The following TEAD1 variants were observed in gnomAD, a reference collection of about 807,000 sequenced individuals.
The protein encoded by TEAD1 is TEA domain transcription factor 1.
Under a neutral mutation model 54.9 loss-of-function variants are expected in TEAD1, and 9 were observed. The ratio of observed to expected loss-of-function variants is 0.16; its 90% CI spans 0.10 to 0.29. The LOEUF is 0.29. Among genes scored for constraint, TEAD1 ranks in the 10% least tolerant of loss-of-function variants. The pLI, the probability that TEAD1 is intolerant of heterozygous loss-of-function variation, is 1.00. For missense variants in TEAD1, 387 were observed against 535.9 expected, an observed-to-expected ratio of 0.72 and a Z score of 2.74; for synonymous variants, 200 against 187.8, an observed-to-expected ratio of 1.07 and a Z score of -0.53.
chr11:12,824,589 A>G (rs1946613754), intron 3 of TEAD1, among the ~76,000 whole-genome samples: 1 of 152,224 alleles, frequency 6.6e-6, no homozygotes, highest in Admixed American at 6.5e-5. Context: ...TGTTAAGATA[A>G]GAGACTGTTG....
In TEAD1 at chr11:12,768,050, T is replaced by C. The variant is rs1177709842; in HGVS notation, c.202+3616T>C. Among the ~76,000 whole-genome samples the C allele has an allele frequency of 2.0e-5, 3 of 152,162 alleles. No homozygotes were observed. In the East Asian group the frequency reaches 5.8e-4, roughly 29 times the overall value. On this transcript the variant is annotated intron_variant, in intron 3 of 12. Coordinates refer to ENST00000527636, the MANE Select transcript of TEAD1 (RefSeq NM_021961.6). ...ACGGGAACACCTGAATTTGTTACTTTTGCAACTGAAAATCCCAGTCAGATA... is the reference window on the plus strand; with the variant it reads ...ACGGGAACACCTGAATTTGTTACTTCTGCAACTGAAAATCCCAGTCAGATA...
intron 8 of TEAD1, 138 bp downstream of exon 8, chr11:12,882,095 G>A (rs1439636977): frequency 3.4e-6 from 3 of 877,216 alleles, no homozygotes; most frequent in South Asian, 1.4e-5. Flanking sequence ...GGATCCTTGG[G>A]TAGCCTGTAG....
At chr11:12,878,234 C>T (rs1234982345) in intron 5 of TEAD1, among the ~76,000 whole-genome samples, 1 of 152,166 alleles carries the variant, frequency 6.6e-6, no homozygotes, top group Non-Finnish European at 1.5e-5. Flanking sequence ...CCTAGCACAT[C>T]TTTCTTAGAA....
intron 3 of TEAD1, among the ~76,000 whole-genome samples, chr11:12,854,178 A>G (rs905525408): frequency 6.6e-6 from 1 of 152,146 alleles, no homozygotes; most frequent in African/African-American, 2.4e-5. Flanking sequence ...CTCGTTGGAT[A>G]TGCTGTGGGA....
rs1943063844 is a variant in TEAD1, at chr11:12,675,468, A to T, written c.-148A>T. 6.6e-6 allele frequency: 1 copy of T among 152,428 alleles called. No individual in the cohort carries two copies. The allele number at this position is 152,428 out of a possible 1,614,324, so 9.4% of individuals were successfully genotyped here. ...CACATTCAAGTGGAAAATTTTCAGG[A>T]GTCAGCAGAAACATTGTGTCCAAAA... On this transcript the variant is annotated 5_prime_UTR_variant, in exon 2 of 13. Coordinates refer to ENST00000527636, the MANE Select transcript of TEAD1 (RefSeq NM_021961.6).
At chr11:12,774,239 T>C (rs965347278) in intron 3 of TEAD1, among the ~76,000 whole-genome samples, 12 of 152,118 alleles carry the variant, frequency 7.9e-5, no homozygotes, top group African/African-American at 2.9e-4. Flanking sequence ...TGGCCACAAA[T>C]ACGGTCAACT....
chr11:12,880,885 A>G (rs1564975006), intron 6 of TEAD1, 120 bp from the exon 7 acceptor site: 1 of 1,145,572 alleles, frequency 8.7e-7, no homozygotes, highest in Non-Finnish European at 1.3e-6. Context: ...ACTCTGGGAA[A>G]GCGATTCTGT....
intron 9 of TEAD1, among the ~76,000 whole-genome samples, chr11:12,900,532 C>T (rs1948407900): frequency 6.6e-6 from 1 of 152,134 alleles, no homozygotes; most frequent in Non-Finnish European, 1.5e-5. Context: ...GAAGTGAATG[C>T]CATCACTGTC....
intron 12 of TEAD1, among the ~76,000 whole-genome samples, chr11:12,936,822 C>T (rs993306059): frequency 2.0e-5 from 3 of 152,122 alleles, no homozygotes; most frequent in African/African-American, 7.2e-5. Context: ...AATCAGCCCC[C>T]TAAAAAACAA....
chr11:12,719,949 G>T (rs1201087249), intron 2 of TEAD1, among the ~76,000 whole-genome samples: 24 of 40,022 alleles, frequency 6.0e-4, no homozygotes, highest in Middle Eastern at 0.038. Context: ...GAAATCTAAT[G>T]TTTTTTTTTT....
intron 11 of TEAD1, among the ~76,000 whole-genome samples, chr11:12,929,656 T>C (rs1948977237): frequency 6.6e-6 from 1 of 152,190 alleles, no homozygotes; most frequent in Non-Finnish European, 1.5e-5. Context: ...TTCTGAGTTA[T>C]TGAAACTGCA....
At chr11:12,696,865 T>G (rs559229720) in intron 2 of TEAD1, among the ~76,000 whole-genome samples, 20 of 152,096 alleles carry the variant, frequency 1.3e-4, no homozygotes, top group African/African-American at 4.8e-4. Context: ...CTCTCCTGTG[T>G]ATTGGGTTTG....
intron 3 of TEAD1, among the ~76,000 whole-genome samples, chr11:12,794,524 C>A (rs1468413726): frequency 2.6e-5 from 4 of 152,174 alleles, no homozygotes; most frequent in Non-Finnish European, 5.9e-5. Context: ...ATGTGACAGC[C>A]TGTCTAGGTG....
chr11:12,730,422 T>G (rs1280970738), intron 2 of TEAD1, among the ~76,000 whole-genome samples: 1 of 143,028 alleles, frequency 7.0e-6, no homozygotes. Flanking sequence ...GAGTGTTTTT[T>G]TTTTTTTTTT....
At chr11:12,888,590 G>A (rs1348202610) in intron 9 of TEAD1, among the ~76,000 whole-genome samples, 1 of 152,124 alleles carries the variant, frequency 6.6e-6, no homozygotes, top group South Asian at 2.1e-4. Context: ...AGTCTGAAGT[G>A]GCCTTAGAAC....
chr11:12,900,573 C>G (rs1948408549), intron 9 of TEAD1, among the ~76,000 whole-genome samples: 2 of 152,104 alleles, frequency 1.3e-5, no homozygotes. Flanking sequence ...GGCACTTGCG[C>G]AGTATCATAG....
intron 9 of TEAD1, among the ~76,000 whole-genome samples, chr11:12,898,154 C>T (rs539327120): frequency 9.2e-5 from 14 of 152,272 alleles, no homozygotes; most frequent in African/African-American, 3.4e-4. Context: ...TTCCTTCAGG[C>T]ACAGGTGAGA....
intron 3 of TEAD1, among the ~76,000 whole-genome samples, chr11:12,814,903 G>C (rs929180236): frequency 6.6e-6 from 1 of 151,610 alleles, no homozygotes; most frequent in Admixed American, 6.6e-5. Context: ...CGGAGCGCAC[G>C]CACCCATCAG....
At chr11:12,693,956 C>T (rs763019287) in intron 2 of TEAD1, among the ~76,000 whole-genome samples, 13 of 152,274 alleles carry the variant, frequency 8.5e-5, no homozygotes, top group South Asian at 2.1e-4. Context: ...CCTTTGTAAG[C>T]GGTAGGAAGA....
Sources: allele counts gnomAD v4.1 joint callset (sites outside exome capture counted in the v4.1 genomes callset), GRCh38; gene constraint gnomAD v4.1.1; transcripts MANE v1.5; gene names NCBI Gene and HGNC (gene_info 2026-07-23, HGNC 2026-07-21).